Variants in PCDHA8 observed in about 807,000 individuals in gnomAD.
The protein encoded by PCDHA8 is protocadherin alpha 8.
Under a neutral mutation model 61.8 loss-of-function variants are expected in PCDHA8, and 53 were observed. That is an observed-to-expected ratio of 0.86 (90% CI 0.69 to 1.08). The LOEUF is 1.08. PCDHA8 is among the 50% of genes least tolerant of loss of function. The pLI, the probability that PCDHA8 is intolerant of heterozygous loss-of-function variation, is 0.00. For synonymous variants in PCDHA8, 618 were observed against 556.6 expected (o/e 1.11, Z -1.55); for missense variants, 1,293 against 1,245.0 (o/e 1.04, Z -0.58).
rs782316296 is a variant in PCDHA8 at position 140,927,382 on chromosome 5, AG to A, written c.2395-51566del. Reference sequence around the variant, plus strand: ...CAATGGGATACTAAGCTACAGCCTAAGCCCCAGTCAGCACTTTCGCCTGGAC... The same window carrying A: ...CAATGGGATACTAAGCTACAGCCTAACCCCAGTCAGCACTTTCGCCTGGAC... On this transcript the variant is annotated intron_variant, in intron 1 of 3. Coordinates refer to ENST00000531613, the MANE Select transcript of PCDHA8 (RefSeq NM_018911.3). 6 of 1,614,012 alleles carry A rather than the reference AG, an allele frequency of 3.7e-6. No homozygotes were observed. The African/African-American group carries it at 8.0e-5, about 22-fold the overall frequency.
chr5:140,974,116 G>T (rs2096616118), intron 1 of PCDHA8, among the ~76,000 whole-genome samples: 1 of 152,192 alleles, frequency 6.6e-6, no homozygotes. Context: ...TTCTTTTGCA[G>T]TGTTTTAAAT....
intron 1 of PCDHA8, among the ~76,000 whole-genome samples, chr5:140,925,505 C>A (rs528944783): frequency 6.6e-5 from 10 of 152,052 alleles, no homozygotes; most frequent in African/African-American, 2.2e-4. Flanking sequence ...CCAATATCCA[C>A]GCAAAAGACC....
At chr5:140,879,802 T>A (rs535783687) in intron 1 of PCDHA8, among the ~76,000 whole-genome samples, 1 of 152,330 alleles carries the variant, frequency 6.6e-6, no homozygotes, top group Non-Finnish European at 1.5e-5. Flanking sequence ...TCTTCCAGTT[T>A]CTATTGGCTG....
chr5:141,007,393 T>C (rs1485010105), intron 3 of PCDHA8, among the ~76,000 whole-genome samples: 2 of 23,410 alleles, frequency 8.5e-5, no homozygotes, highest in African/African-American at 2.3e-4. Context: ...TCTACTAAAA[T>C]ACAAAAAAAA....
intron 2 of PCDHA8, among the ~76,000 whole-genome samples, chr5:140,979,312 C>G (rs1419194517): frequency 1.3e-5 from 2 of 152,166 alleles, no homozygotes; most frequent in Admixed American, 6.5e-5. Flanking sequence ...CCCTCTCTAC[C>G]TATGCTTTCT....
chr5:140,998,423 T>C (rs1248330149), intron 3 of PCDHA8, among the ~76,000 whole-genome samples: 1 of 152,248 alleles, frequency 6.6e-6, no homozygotes, highest in African/African-American at 2.4e-5. Context: ...ACCTGGTTTA[T>C]CCTTTAACAC....
At chr5:140,995,687 G>C (rs983290111) in intron 3 of PCDHA8, among the ~76,000 whole-genome samples, 3 of 152,062 alleles carry the variant, frequency 2.0e-5, no homozygotes, top group Admixed American at 6.5e-5. Context: ...TTTTTTAATT[G>C]TTAAATAAAG....
chr5:140,889,409 A>C (rs1448554315), intron 1 of PCDHA8, among the ~76,000 whole-genome samples: 5 of 152,024 alleles, frequency 3.3e-5, no homozygotes, highest in African/African-American at 1.2e-4. Context: ...TACTCGAGTC[A>C]GTTACGTAGA....
intron 1 of PCDHA8, among the ~76,000 whole-genome samples, chr5:140,917,324 C>CGGGGGG (rs1299895515): frequency 3.9e-5 from 3 of 76,174 alleles, no homozygotes; most frequent in East Asian, 7.2e-4. Flanking sequence ...GTTCATGTGG[C>CGGGGGG]GGGGGAGGGG....
In PCDHA8 at chr5:140,877,149, C is replaced by G. The variant is rs2056888845; in HGVS notation, c.2394+33434C>G. The G allele has an allele frequency of 2.5e-6, 4 of 1,613,648 alleles. No individual in the cohort carries two copies. The highest frequency in any genetic ancestry group is 1.1e-5 in the South Asian group (1 of 91,078). On this transcript the variant is annotated intron_variant, in intron 1 of 3. Coordinates refer to ENST00000531613, the MANE Select transcript of PCDHA8 (RefSeq NM_018911.3). ...TGCAGGTGTTCGTGCTGGACGAGAA[C>G]GACAACGCGCCGGCACTGCTGGCGA... is the stretch of plus-strand genomic sequence containing the variant.
chr5:140,844,571 T>G (rs1416812482), intron 1 of PCDHA8, among the ~76,000 whole-genome samples: 1 of 149,562 alleles, frequency 6.7e-6, no homozygotes, highest in Non-Finnish European at 1.5e-5. Context: ...TTCAATAATA[T>G]TCCACATTAA....
chr5:140,966,546 C>T, intron 1 of PCDHA8: 1 of 466,228 alleles, frequency 2.1e-6, no homozygotes, highest in Non-Finnish European at 3.7e-6. Context: ...GACTCGGAGG[C>T]GAGCGGAGGA....
chr5:141,000,405 A>C lies in PCDHA8; in HGVS notation c.2543-9222A>C, dbSNP rs1290838400. Among the ~76,000 whole-genome samples the C allele has an allele frequency of 7.9e-5, 7 of 88,832 alleles. No individual in the cohort carries two copies. In the East Asian group the frequency reaches 9.8e-4, roughly 12 times the overall value. The allele number at this position is 88,832 out of a possible 152,430, so 58.3% of individuals were successfully genotyped here. On this transcript the variant is annotated intron_variant, in intron 3 of 3. Transcript: ENST00000531613. ...TCTCTCTCTCTCTCTCTATATATAT[A>C]TATATATATATATATATTTTTTTTT...
intron 1 of PCDHA8, among the ~76,000 whole-genome samples, chr5:140,952,123 C>T (rs1182943342): frequency 6.6e-6 from 1 of 152,056 alleles, no homozygotes; most frequent in Non-Finnish European, 1.5e-5. Context: ...GATGGGCTCC[C>T]AAGGCCTTGG....
At chr5:140,864,370 C>T (rs185774022) in intron 1 of PCDHA8, 45 of 152,264 alleles carry the variant, frequency 3.0e-4, no homozygotes, top group African/African-American at 8.2e-4. Flanking sequence ...TTTCTATAAT[C>T]GATAAGTTTA....
intron 1 of PCDHA8, chr5:140,863,555 T>A (rs2153224638): frequency 2.6e-6 from 1 of 378,382 alleles, no homozygotes; most frequent in East Asian, 6.5e-5. Flanking sequence ...CAATAGGAAA[T>A]TTTTGAGAAT....
intron 3 of PCDHA8, among the ~76,000 whole-genome samples, chr5:141,004,496 C>T (rs1179748811): frequency 6.6e-6 from 1 of 152,152 alleles, no homozygotes; most frequent in Non-Finnish European, 1.5e-5. Context: ...CTTGGCAGTC[C>T]TGCTGTGAGG....
intron 1 of PCDHA8, among the ~76,000 whole-genome samples, chr5:140,898,137 G>C (rs1554187832): frequency 6.6e-6 from 1 of 152,098 alleles, no homozygotes; most frequent in African/African-American, 2.4e-5. Flanking sequence ...CATTTTGTAG[G>C]TTGCCTGTTC....
At chr5:140,920,135 C>T (rs1206026315) in intron 1 of PCDHA8, among the ~76,000 whole-genome samples, 2 of 152,164 alleles carry the variant, frequency 1.3e-5, no homozygotes, top group Non-Finnish European at 2.9e-5. Flanking sequence ...TTTTAATTCT[C>T]CTCTCCAAAC....
Sources: allele counts gnomAD v4.1 joint callset (sites outside exome capture counted in the v4.1 genomes callset), GRCh38; gene constraint gnomAD v4.1.1; transcripts MANE v1.5; gene names NCBI Gene and HGNC (gene_info 2026-07-23, HGNC 2026-07-21).